The following SLC28A2 variants were observed in gnomAD, a reference collection of about 807,000 sequenced individuals.
SLC28A2 encodes the protein solute carrier family 28 member 2.
A neutral mutation model predicts 72.9 loss-of-function variants in SLC28A2; 69 were observed. That is an observed-to-expected ratio of 0.95 (90% CI 0.78 to 1.16). SLC28A2 has a LOEUF of 1.16. Ranked by LOEUF, SLC28A2 falls within the 50% of genes most tolerant of loss-of-function variation. The pLI, the probability that SLC28A2 is intolerant of heterozygous loss-of-function variation, is 0.00. For synonymous variants in SLC28A2, 296 were observed against 294.1 expected, an observed-to-expected ratio of 1.01 and a Z score of -0.07; for missense variants, 745 against 791.1, an observed-to-expected ratio of 0.94 and a Z score of 0.70.
At chr15:45,266,011 G>A in intron 9 of SLC28A2, 70 bp from the exon 10 acceptor site, 3 of 1,090,364 alleles carry the variant, frequency 2.8e-6, no homozygotes, top group South Asian at 2.6e-5. Context: ...AGTGGAGGAG[G>A]AGGAGTTTTG....
In SLC28A2 at chr15:45,272,759, A is replaced by G. The variant is rs760993550; in HGVS notation, c.1834A>G (p.Met612Val). ...SFTNRTYETY[M>V]CCRGLFQSTS... ...CACCAATAGAACCTATGAGACCTACATGTGCTGCAGAGGGCTCTTTCAGAG... is the reference window on the plus strand; with the variant it reads ...CACCAATAGAACCTATGAGACCTACGTGTGCTGCAGAGGGCTCTTTCAGAG... Residue 612 changes from methionine (M) to valine (V), a missense_variant, in exon 17 of 18, where the codon ATG (methionine) becomes GTG (valine). Transcript: ENST00000347644. The G allele has an allele frequency of 1.1e-5, 18 of 1,608,952 alleles. No individual in the cohort carries two copies. Among genetic ancestry groups the G allele is most frequent in the South Asian group, 2.2e-5 (2 of 90,982 alleles).
At position 45,276,268 on chromosome 15, in the gene SLC28A2, G is replaced by A. The variant is rs1900752182; in HGVS notation, c.*755G>A. The A allele has an allele frequency of 6.6e-6, 1 of 152,066 alleles. No individual in the cohort carries two copies. Among genetic ancestry groups the A allele is most frequent in the African/African-American group, 2.4e-5 (1 of 41,384 alleles). 9.4% of individuals were successfully genotyped at this position (152,066 alleles called of 1,614,324 possible). On this transcript the variant is annotated 3_prime_UTR_variant, in exon 18 of 18. Transcript: ENST00000347644. ...CACCACATGTTCTCACTCATAGATG[G>A]GAATTGAACAATGAGAACACATGGA...
chr15:45,266,035 A>C, intron 9 of SLC28A2, 46 bp from the exon 10 acceptor site: 1 of 1,360,764 alleles, frequency 7.3e-7, no homozygotes, highest in Non-Finnish European at 1.1e-6. Flanking sequence ...GATGTTCTCC[A>C]AGATTCCTGC....
In SLC28A2 at chr15:45,268,355, G is replaced by A; in HGVS notation, c.1345G>A (p.Asp449Asn). The stretch of plus-strand genomic sequence containing the variant: ...CCTCTCCTGGCTGGGGGAATTGGTG[G>A]ACATACAGGGGCTCACTTTCCAGGT... ...AALSWLGELV[D>N]IQGLTFQVIC... Residue 449 changes from aspartate to asparagine, a missense_variant, in exon 13 of 18, where the codon GAC (aspartate) becomes AAC (asparagine). Asp to Asn is a conservative substitution (Grantham distance 23, BLOSUM62 1). Transcript: ENST00000347644. The A allele has an allele frequency of 6.3e-7, 1 of 1,598,668 alleles. No homozygotes were observed. Among genetic ancestry groups the A allele is most frequent in the Non-Finnish European group, 8.6e-7 (1 of 1,167,458 alleles).
At chr15:45,256,271 A>G (rs996868651) in intron 3 of SLC28A2, among the ~76,000 whole-genome samples, 2 of 151,880 alleles carry the variant, frequency 1.3e-5, no homozygotes, top group Non-Finnish European at 2.9e-5. Context: ...CTGGGCCCAA[A>G]CAATCCTCAT....
At chr15:45,258,306 T>C (rs1429962848) in intron 3 of SLC28A2, among the ~76,000 whole-genome samples, 1 of 152,052 alleles carries the variant, frequency 6.6e-6, no homozygotes, top group Non-Finnish European at 1.5e-5. Flanking sequence ...CTGCATGCCA[T>C]AGTTTAACTG....
intron 16 of SLC28A2, 52 bp downstream of exon 16, chr15:45,272,445 A>C (rs768558616): frequency 7.2e-7 from 1 of 1,389,558 alleles, no homozygotes; most frequent in Non-Finnish European, 1.0e-6. Flanking sequence ...TGATGGTTGG[A>C]GGAATAATAT....
In SLC28A2 at chr15:45,265,123, T is replaced by C; in HGVS notation, c.737T>C (p.Phe246Ser). 1 of 1,613,316 alleles carries C rather than the reference T, an allele frequency of 6.2e-7. No individual in the cohort carries two copies. Among genetic ancestry groups the C allele is most frequent in the Non-Finnish European group, 8.5e-7 (1 of 1,179,282 alleles). ...FLNYTVAGSSFVFGDTLVKDV... is the reference protein window; with the variant it reads ...FLNYTVAGSSSVFGDTLVKDV... ...AACTACACTGTGGCCGGCTCCAGTT[T>C]TGTCTTTGGGGATACACTGGTCAAG... is the stretch of plus-strand genomic sequence containing the variant. The change falls in exon 8 of 18, where the codon TTT (phenylalanine) becomes TCT (serine). Residue 246 changes from phenylalanine to serine, a missense_variant. Physicochemically the swap from Phe to Ser is radical, Grantham distance 155. Coordinates refer to ENST00000347644, the MANE Select transcript of SLC28A2 (RefSeq NM_004212.4).
intron 14 of SLC28A2, 93 bp from the exon 15 acceptor site, chr15:45,270,102 G>A (rs1900499116): frequency 4.8e-6 from 4 of 827,586 alleles, no homozygotes; most frequent in East Asian, 4.9e-5. Context: ...GGAAAAGACT[G>A]GGGGCTGTCA....
intron 17 of SLC28A2, among the ~76,000 whole-genome samples, chr15:45,274,839 C>T (rs956545642): frequency 6.6e-6 from 1 of 151,750 alleles, no homozygotes; most frequent in East Asian, 1.9e-4. Context: ...AATCCTCTTA[C>T]CTCAGCCTCC....
At chr15:45,267,385 G>A in intron 10 of SLC28A2, 70 bp from the exon 11 acceptor site, 1 of 1,576,574 alleles carries the variant, frequency 6.3e-7, no homozygotes. Flanking sequence ...AGCCCCTGGG[G>A]CTGGGGTGGG....
rs779886580 is a variant in SLC28A2 at position 45,270,302 on chromosome 15, C to CT, written c.1648+26_1648+27insT. ...GTGAGTTCATCCATTTTCCCAGCTC[C>CT]CCAGTAAGACAGCCAGATCCCAGCT... On this transcript the variant is annotated intron_variant, in intron 15 of 17. Coordinates refer to ENST00000347644, the MANE Select transcript of SLC28A2 (RefSeq NM_004212.4). 173 of 1,500,866 alleles carry CT rather than the reference C, an allele frequency of 1.2e-4. 1 individual carries two copies. Among genetic ancestry groups the CT allele is most frequent in the Non-Finnish European group, 1.6e-4 (168 of 1,076,808 alleles). The allele number at this position is 1,500,866 out of a possible 1,614,324, so 93.0% of individuals were successfully genotyped here. A position where few individuals can be genotyped will look rare whatever the true frequency, so the allele number is the denominator to read the frequency against.
At chr15:45,270,302 C>T (rs1418143134) in intron 15 of SLC28A2, 26 bp downstream of exon 15, 1 of 1,500,866 alleles carries the variant, frequency 6.7e-7, no homozygotes, top group Non-Finnish European at 9.3e-7. Flanking sequence ...TTCCCAGCTC[C>T]CCAGTAAGAC....
chr15:45,270,100 C>T (rs2140579648), intron 14 of SLC28A2, 95 bp from the exon 15 acceptor site: 1 of 817,184 alleles, frequency 1.2e-6, no homozygotes, highest in Non-Finnish European at 2.1e-6. Context: ...ATGGAAAAGA[C>T]TGGGGGCTGT....
In SLC28A2 at chr15:45,263,914, A is replaced by G. The variant is rs1307016702; in HGVS notation, c.480A>G (p.Ile160Met). The change falls in exon 6 of 18, where the codon ATA (isoleucine) becomes ATG (methionine). Residue 160 changes from isoleucine (I) to methionine (M), a missense_variant. Transcript: ENST00000347644. ...VFAGVSLVGL[I>M]LWLALDTAQR... is the part of the protein sequence containing the mutation. ...CAGGAGTCTCCTTGGTTGGCCTTAT[A>G]CTGTGGTTGGCTTTAGACACAGCCC... is the stretch of plus-strand genomic sequence containing the variant. 1.2e-6 allele frequency: 2 copies of G among 1,613,356 alleles called. No individual in the cohort carries two copies. The highest frequency in any genetic ancestry group is 1.1e-5 in the South Asian group (1 of 90,782).
In SLC28A2 at chr15:45,262,012, TAGG is replaced by T. The variant is rs1163305088; in HGVS notation, c.174_176del (p.Arg58del). 1.0e-5 allele frequency: 16 copies of T among 1,604,312 alleles called. No individual in the cohort carries two copies. The highest frequency in any genetic ancestry group is 2.7e-5 in the African/African-American group (2 of 74,728). ...TGTATCTTAACTTTTGGGTTCTTAT[TAGG>T]AGGAGTCGGTGGCCTTTCAGCAAAG... On this transcript the variant is annotated splice_acceptor_variant and coding_sequence_variant, in exon 4 of 18. Transcript: ENST00000347644. LOFTEE classifies it high-confidence loss of function.
At chr15:45,265,537 A>G in intron 8 of SLC28A2, 46 bp from the exon 9 acceptor site, 1 of 1,306,934 alleles carries the variant, frequency 7.7e-7, no homozygotes, top group Non-Finnish European at 1.1e-6. Flanking sequence ...TAAAACACAG[A>G]GTATGCAATG....
intron 3 of SLC28A2, among the ~76,000 whole-genome samples, chr15:45,256,816 A>T (rs1177959532): frequency 6.6e-6 from 1 of 151,774 alleles, no homozygotes; most frequent in Non-Finnish European, 1.5e-5. Context: ...AGTTCTCCCC[A>T]CCTCCTGCCA....
At position 45,264,692 on chromosome 15, in the gene SLC28A2, A is replaced by C; in HGVS notation, c.626A>C (p.Gln209Pro). 6.2e-7 allele frequency: 1 copy of C among 1,613,870 alleles called. No individual in the cohort carries two copies. The highest frequency in any genetic ancestry group is 8.5e-7 in the Non-Finnish European group (1 of 1,179,786). Residue 209 changes from glutamine to proline, a missense_variant, in exon 7 of 18, where the codon CAA (glutamine) becomes CCA (proline). Coordinates refer to ENST00000347644, the MANE Select transcript of SLC28A2 (RefSeq NM_004212.4). ...ACAGTGTTTTCGGGCCTAGGTCTTC[A>C]ATTTGTCTTTGGGATCTTGGTCATC... ...WRTVFSGLGL[Q>P]FVFGILVIRT...
Sources: allele counts gnomAD v4.1 joint callset (sites outside exome capture counted in the v4.1 genomes callset), GRCh38; gene constraint gnomAD v4.1.1; transcripts MANE v1.5; gene names NCBI Gene and HGNC (gene_info 2026-07-23, HGNC 2026-07-21).